Variants in WDR41 observed in about 807,000 individuals in gnomAD.
WDR41 encodes WD repeat domain 41.
In WDR41, 63 loss-of-function variants were observed where a neutral mutation model predicts 69.3. The ratio of observed to expected loss-of-function variants is 0.91; its 90% confidence interval spans 0.74 to 1.12. The LOEUF (loss-of-function observed/expected upper bound fraction) is 1.12. WDR41 is among the 50% of genes most tolerant of loss of function. WDR41 has a pLI of 0.00. For missense variants in WDR41, 543 were observed against 534.5 expected, an observed-to-expected ratio of 1.02 and a Z score of -0.16; for synonymous variants, 185 against 192.1, an observed-to-expected ratio of 0.96 and a Z score of 0.31.
intron 1 of WDR41, among the ~76,000 whole-genome samples, chr5:77,499,024 A>T (rs1801977750): frequency 6.6e-6 from 1 of 152,172 alleles, no homozygotes; most frequent in Non-Finnish European, 1.5e-5. Flanking sequence ...TAGGTAGGTG[A>T]AAAAGGACTT....
chr5:77,520,922 T>A (rs1382210479), intron 1 of WDR41, among the ~76,000 whole-genome samples: 3 of 152,220 alleles, frequency 2.0e-5, no homozygotes, highest in Non-Finnish European at 4.4e-5. Context: ...CATAAGTATC[T>A]GAAAACATTC....
At chr5:77,435,228 T>G (rs1798893537) in intron 12 of WDR41, among the ~76,000 whole-genome samples, 1 of 152,216 alleles carries the variant, frequency 6.6e-6, no homozygotes, top group African/African-American at 2.4e-5. Flanking sequence ...GAGCTTATGA[T>G]GACAAGGCTA....
At chr5:77,487,599 G>C (rs1801577290) in intron 2 of WDR41, among the ~76,000 whole-genome samples, 1 of 152,210 alleles carries the variant, frequency 6.6e-6, no homozygotes, top group South Asian at 2.1e-4. Flanking sequence ...CTGGTTCCTA[G>C]AAGGGAGTCT....
intron 1 of WDR41, among the ~76,000 whole-genome samples, chr5:77,505,547 A>T (rs1427349648): frequency 6.6e-6 from 1 of 152,216 alleles, no homozygotes; most frequent in African/African-American, 2.4e-5. Flanking sequence ...AGTAAAGTTC[A>T]TATGGAACCA....
At chr5:77,519,864 C>T (rs1380727658) in intron 1 of WDR41, among the ~76,000 whole-genome samples, 1 of 150,240 alleles carries the variant, frequency 6.7e-6, no homozygotes, top group African/African-American at 2.5e-5. Flanking sequence ...TAATCTAAGC[C>T]CTTGGATTGC....
At chr5:77,619,293 C>G (rs4621544) in intron 1 of WDR41, among the ~76,000 whole-genome samples, 59,886 of 151,956 alleles carry the variant, frequency 0.39, 12,612 homozygotes, top group Non-Finnish European at 0.47. Context: ...TTTTTGCCAT[C>G]TAATAAGTGT....
chr5:77,438,363 TA>T lies in WDR41; in HGVS notation c.883-3del. ...CCTTCCAACTGCAGCAAATACATTC[TA>T]GGGGAAGAAGTTCAGAAATGGGCAT... On this transcript the variant is annotated splice_region_variant and splice_polypyrimidine_tract_variant and intron_variant, in intron 9 of 12. Coordinates refer to ENST00000296679, the MANE Select transcript of WDR41 (RefSeq NM_018268.4). 1 of 1,613,784 alleles carries T rather than the reference TA, an allele frequency of 6.2e-7. No individual in the cohort carries two copies. Among genetic ancestry groups the T allele is most frequent in the Non-Finnish European group, 8.5e-7 (1 of 1,179,752 alleles).
intron 9 of WDR41, among the ~76,000 whole-genome samples, chr5:77,438,981 A>G (rs1009116807): frequency 5.3e-5 from 8 of 152,198 alleles, no homozygotes; most frequent in Non-Finnish European, 1.2e-4. Flanking sequence ...GCCTCACAAC[A>G]TCGTGTTAAG....
At chr5:77,555,222 T>C (rs1233094993) in intron 1 of WDR41, among the ~76,000 whole-genome samples, 1 of 152,232 alleles carries the variant, frequency 6.6e-6, no homozygotes. Flanking sequence ...TCAAAAATGT[T>C]ACCGTTGGAG....
At chr5:77,499,225 C>G (rs1801981789) in intron 1 of WDR41, 1 of 152,230 alleles carries the variant, frequency 6.6e-6, no homozygotes, top group Admixed American at 6.5e-5. Flanking sequence ...AAATTACCAG[C>G]AAGTCAGCAT....
rs1030552359 is a variant in WDR41, at chr5:77,545,766, A to T, written c.43-56194T>A. 7 of 806,092 alleles carry T rather than the reference A, an allele frequency of 8.7e-6. No homozygotes were observed. The Admixed American group carries it at 1.9e-4, about 21-fold the overall frequency. 49.9% of individuals were successfully genotyped at this position (806,092 alleles called of 1,614,324 possible). Reference sequence around the variant, plus strand: ...TCAAGGCGTTTGTTGCCTTGACTACATTGGGGACTACAATGGCCACGTCGG... The same window carrying T: ...TCAAGGCGTTTGTTGCCTTGACTACTTTGGGGACTACAATGGCCACGTCGG... On this transcript the variant is annotated intron_variant, in intron 1 of 5. Coordinates refer to the WDR41 transcript ENST00000509971.
At chr5:77,484,406 T>C (rs1289216637) in intron 2 of WDR41, among the ~76,000 whole-genome samples, 1 of 152,166 alleles carries the variant, frequency 6.6e-6, no homozygotes, top group Non-Finnish European at 1.5e-5. Flanking sequence ...TTAGGGGCCT[T>C]TAGAAATAGA....
chr5:77,459,383 C>G (rs761293963), intron 4 of WDR41, among the ~76,000 whole-genome samples: 1 of 152,058 alleles, frequency 6.6e-6, no homozygotes, highest in South Asian at 2.1e-4. Flanking sequence ...AATGAATGGT[C>G]TGAAGTACTG....
intron 2 of WDR41, among the ~76,000 whole-genome samples, chr5:77,478,457 C>G (rs1373250642): frequency 6.6e-6 from 1 of 152,148 alleles, no homozygotes; most frequent in Non-Finnish European, 1.5e-5. Context: ...TCCAGCAGCA[C>G]ATCAAAAAGC....
Position 77,440,948 on chromosome 5 carries a change from A to AT in WDR41, c.746dup (p.Asp249GlufsTer11), listed in dbSNP as rs1336073690. On this transcript the variant is annotated frameshift_variant, in exon 9 of 13. Transcript: ENST00000296679. LOFTEE classifies it high-confidence loss of function. ...AGGCCTGCATGGTCCAGTCCAGGGCATCCCAGATGATCAGCTCTCCGACGT... is the reference window on the plus strand; with the variant it reads ...AGGCCTGCATGGTCCAGTCCAGGGCATTCCCAGATGATCAGCTCTCCGACGT... 6.2e-7 allele frequency: 1 copy of AT among 1,613,804 alleles called. No homozygotes were observed. The highest frequency in any genetic ancestry group is 8.5e-7 in the Non-Finnish European group (1 of 1,179,890).
At chr5:77,508,822 G>A (rs1005651724) in intron 1 of WDR41, among the ~76,000 whole-genome samples, 7 of 151,632 alleles carry the variant, frequency 4.6e-5, no homozygotes, top group Non-Finnish European at 7.4e-5. Context: ...TGAAGCTTCT[G>A]TACTCATCAC....
At chr5:77,603,520 A>G (rs80002123) in intron 1 of WDR41, among the ~76,000 whole-genome samples, 1,984 of 152,332 alleles carry the variant, frequency 0.013, 36 homozygotes, top group African/African-American at 0.045. Context: ...CCCATCCAAC[A>G]GGTTGTCTCT....
intron 1 of WDR41, among the ~76,000 whole-genome samples, chr5:77,503,747 G>A (rs1262754184): frequency 2.6e-5 from 4 of 152,134 alleles, no homozygotes; most frequent in African/African-American, 9.7e-5. Flanking sequence ...CAACTACATG[G>A]AAACTGAACA....
chr5:77,617,941 G>A (rs1175341436), intron 1 of WDR41, among the ~76,000 whole-genome samples: 2 of 152,174 alleles, frequency 1.3e-5, no homozygotes, highest in Non-Finnish European at 2.9e-5. Flanking sequence ...TTCCAGTCAT[G>A]GGCTGCAGAG....
Sources: gnomAD v4.1 joint callset for allele counts (sites outside exome capture counted in the v4.1 genomes callset) on GRCh38, gnomAD v4.1.1 for gene constraint, MANE v1.5 for transcripts, NCBI Gene and HGNC (gene_info 2026-07-23, HGNC 2026-07-21) for gene names.